The following KLHL38 variants were observed in gnomAD, a reference collection of about 807,000 sequenced individuals.
KLHL38 encodes the protein kelch-like protein 38.
Under a neutral mutation model 39.6 loss-of-function variants are expected in KLHL38, and 38 were observed. The ratio of observed to expected loss-of-function variants is 0.96; its 90% CI spans 0.74 to 1.26. The LOEUF (loss-of-function observed/expected upper bound fraction) is 1.26, where lower values mean the gene tolerates loss of function less well. KLHL38 is among the 50% of genes most tolerant of loss of function. The probability of loss-of-function intolerance (pLI) is 0.00; values close to 1 mark genes in which losing one functional copy is unlikely to be tolerated. For missense variants in KLHL38, 803 were observed against 748.1 expected, an observed-to-expected ratio of 1.07 and a Z score of -0.86; for synonymous variants, 322 against 302.2, an observed-to-expected ratio of 1.07 and a Z score of -0.68.
chr8:123,646,126 G>T, intron 3 of KLHL38, 98 bp from the exon 4 acceptor site: 2 of 1,104,794 alleles, frequency 1.8e-6, no homozygotes, highest in Non-Finnish European at 2.7e-6. Context: ...ACTGCGTAAG[G>T]CTGAGGCTGG....
Position 123,644,463 on chromosome 8 carries a change from T to C in KLHL38, c.*1276A>G, listed in dbSNP as rs770742731. 1.3e-5 allele frequency among the ~76,000 whole-genome samples: 2 copies of C among 152,244 alleles called. No individual in the cohort carries two copies. The highest frequency in any genetic ancestry group is 2.9e-5 in the Non-Finnish European group (2 of 68,040). On this transcript the variant is annotated 3_prime_UTR_variant, in exon 4 of 4. Coordinates refer to ENST00000684634, the MANE Select transcript of KLHL38 (RefSeq NM_001081675.3). ...ATCATTTGGCACCAGAAACAAACTTTATTCTGGCAATGCAGGATAATTTTA... is the reference window on the plus strand; with the variant it reads ...ATCATTTGGCACCAGAAACAAACTTCATTCTGGCAATGCAGGATAATTTTA...
rs372835504 is a variant in KLHL38 at position 123,646,925 on chromosome 8, C to T, written c.1440G>A (p.Arg480=). ...VCAPAVVLGE[R]IVIVGGYTRR... ...CAGACTCACCTCCCACAATGACAAT[C>T]CGCTCCCCAAGCACCACTGCAGGGG... Residue 480 remains arginine, a synonymous_variant, in exon 3 of 4, where the codon CGG becomes CGA. Transcript: ENST00000684634. 6.2e-7 allele frequency: 1 copy of T among 1,612,180 alleles called. No homozygotes were observed. Among genetic ancestry groups the T allele is most frequent in the Non-Finnish European group, 8.5e-7 (1 of 1,179,120 alleles).
intron 3 of KLHL38, 78 bp downstream of exon 3, chr8:123,646,830 CA>C (rs1415121864): frequency 1.2e-6 from 1 of 868,234 alleles, no homozygotes; most frequent in Non-Finnish European, 1.8e-6. Flanking sequence ...TGTAGAATAA[CA>C]TCTGTCTATG....
rs992308926 is a variant in KLHL38, at chr8:123,652,928, C to T, written c.-1-1G>A. ...CCCATCTAGTGACTCCTCGTCCATC[C>T]TACAAAGAGGGAAGGAAGCCCCCAG... On this transcript the variant is annotated splice_acceptor_variant, in intron 1 of 3. Coordinates refer to ENST00000684634, the MANE Select transcript of KLHL38 (RefSeq NM_001081675.3). LOFTEE classifies it low-confidence loss of function (5UTR_SPLICE). 5.7e-6 allele frequency: 9 copies of T among 1,583,018 alleles called. No homozygotes were observed. Among genetic ancestry groups the T allele is most frequent in the Non-Finnish European group, 7.7e-6 (9 of 1,170,130 alleles).
chr8:123,651,985 G>T lies in KLHL38; in HGVS notation c.942C>A (p.Ser314Arg), dbSNP rs775032794. The T allele has an allele frequency of 3.7e-6, 6 of 1,614,258 alleles. No individual in the cohort carries two copies. Among genetic ancestry groups the T allele is most frequent in the South Asian group, 1.1e-5 (1 of 91,088 alleles). ...ACAGCCGTGTCGGGAGTTTGGCAAGGCTCTGCCATTGGCCGGTCTGTTTGC... is the reference window on the plus strand; with the variant it reads ...ACAGCCGTGTCGGGAGTTTGGCAAGTCTCTGCCATTGGCCGGTCTGTTTGC... ...LYSKQTGQWQ[S>R]LAKLPTRLYK... is the part of the protein sequence containing the mutation. The change falls in exon 2 of 4, where the codon AGC becomes AGA. Residue 314 changes from serine to arginine, a missense_variant. Transcript: ENST00000684634.
chr8:123,652,584 G>A lies in KLHL38; in HGVS notation c.343C>T (p.Gln115Ter), dbSNP rs982991247. Residue 115 changes from glutamine (Q) to a stop codon, truncating the protein, a stop_gained, in exon 2 of 4, where the codon CAG becomes TAG. Coordinates refer to ENST00000684634, the MANE Select transcript of KLHL38 (RefSeq NM_001081675.3). LOFTEE classifies it high-confidence loss of function. ...LPVMEAASML[Q>*]FPKLFEACSS... ...CAGGCCTCAAACAGCTTGGGGAACT[G>A]TAGCATGGAGGCGGCCTCCATCACG... 8 of 1,614,102 alleles carry A rather than the reference G, an allele frequency of 5.0e-6. No individual in the cohort carries two copies. The African/African-American group carries it at 1.1e-4, about 22-fold the overall frequency.
chr8:123,649,807 C>G (rs909485835), intron 2 of KLHL38, among the ~76,000 whole-genome samples: 1 of 152,128 alleles, frequency 6.6e-6, no homozygotes, highest in African/African-American at 2.4e-5. Flanking sequence ...GACTGATGCC[C>G]GCCCCTAGCC....
intron 3 of KLHL38, 86 bp downstream of exon 3, chr8:123,646,823 A>G: frequency 1.2e-6 from 1 of 823,888 alleles, no homozygotes; most frequent in Non-Finnish European, 2.0e-6. Flanking sequence ...ACAGTCTTGT[A>G]GAATAACATC....
intron 1 of KLHL38, 26 bp from the exon 2 acceptor site, chr8:123,652,953 G>A: frequency 6.4e-7 from 1 of 1,555,316 alleles, no homozygotes. Flanking sequence ...GAAGCCCCCA[G>A]AGTCAGCAAG....
chr8:123,652,698 G>A lies in KLHL38; in HGVS notation c.229C>T (p.Leu77=). Residue 77 remains leucine (L), a synonymous_variant, in exon 2 of 4, where the codon CTG becomes TTG. Coordinates refer to ENST00000684634, the MANE Select transcript of KLHL38 (RefSeq NM_001081675.3). The stretch of plus-strand genomic sequence containing the variant: ...AGGGTTGGGGGGTCAATGCCTTTCA[G>A]CTGCACTTTGGCTTCACTCTTCTCC... The part of the protein sequence containing the change: ...FREKSEAKVQ[L]KGIDPPTLDQ... The A allele has an allele frequency of 1.2e-6, 2 of 1,614,226 alleles. No individual in the cohort carries two copies. Among genetic ancestry groups the A allele is most frequent in the Non-Finnish European group, 1.7e-6 (2 of 1,180,038 alleles).
At position 123,653,698 on chromosome 8, in the gene KLHL38, C is replaced by A. The variant is rs1812697397; in HGVS notation, c.-114G>T. Among the ~76,000 whole-genome samples, 1 of 152,204 alleles carries A rather than the reference C, an allele frequency of 6.6e-6. No homozygotes were observed. The highest frequency in any genetic ancestry group is 2.1e-4 in the South Asian group (1 of 4,834). ...AACCCCAGGCCTTTCTTTCAGTTGGCAAATGATTTGTCCTGGGAGATTTCT... is the reference window on the plus strand; with the variant it reads ...AACCCCAGGCCTTTCTTTCAGTTGGAAAATGATTTGTCCTGGGAGATTTCT... On this transcript the variant is annotated 5_prime_UTR_variant, in exon 1 of 4. Coordinates refer to ENST00000684634, the MANE Select transcript of KLHL38 (RefSeq NM_001081675.3).
In KLHL38 at chr8:123,652,773, G is replaced by A; in HGVS notation, c.154C>T (p.Leu52=). Residue 52 remains leucine (L), a synonymous_variant, in exon 2 of 4, where the codon CTG becomes TTG. Coordinates refer to ENST00000684634, the MANE Select transcript of KLHL38 (RefSeq NM_001081675.3). ...AREIPCHRNV[L]ASSSPYFRAM... is the part of the protein sequence containing the mutation. ...CTGAAGTAGGGGCTGCTGGAGGCCA[G>A]CACGTTGCGGTGGCAGGGGATCTCC... 6.2e-7 allele frequency: 1 copy of A among 1,614,162 alleles called. No individual in the cohort carries two copies. Among genetic ancestry groups the A allele is most frequent in the Non-Finnish European group, 8.5e-7 (1 of 1,180,028 alleles).
At position 123,652,644 on chromosome 8, in the gene KLHL38, C is replaced by T. The variant is rs1205260764; in HGVS notation, c.283G>A (p.Gly95Arg). 1 of 1,614,184 alleles carries T rather than the reference C, an allele frequency of 6.2e-7. No homozygotes were observed. Among genetic ancestry groups the T allele is most frequent in the South Asian group, 1.1e-5 (1 of 91,088 alleles). ...LDQIVSYVYT[G>R]EAHIATDNVL... is the part of the protein sequence containing the mutation. ...TTGTCAGTGGCAATATGTGCCTCCCCCGTATACACGTAGGAGACGATCTGG... is the reference window on the plus strand; with the variant it reads ...TTGTCAGTGGCAATATGTGCCTCCCTCGTATACACGTAGGAGACGATCTGG... The change falls in exon 2 of 4, where the codon GGG (glycine) becomes AGG (arginine). Residue 95 changes from glycine (G) to arginine (R), a missense_variant. By Grantham distance (125) the Gly-to-Arg change is moderately radical. Transcript: ENST00000684634.
At chr8:123,650,334 A>G (rs1001846660) in intron 2 of KLHL38, among the ~76,000 whole-genome samples, 6 of 152,086 alleles carry the variant, frequency 3.9e-5, no homozygotes, top group Non-Finnish European at 8.8e-5. Context: ...AAAAAATCTC[A>G]TCATGTTTTA....
chr8:123,645,541 G>A lies in KLHL38; in HGVS notation c.*198C>T. The A allele has an allele frequency of 1.7e-6, 1 of 594,820 alleles. No homozygotes were observed. The highest frequency in any genetic ancestry group is 3.0e-6 in the Non-Finnish European group (1 of 335,758). The allele number at this position is 594,820 out of a possible 1,614,324, so 36.8% of individuals were successfully genotyped here. A position where few individuals can be genotyped will look rare whatever the true frequency, so the allele number is the denominator to read the frequency against. The stretch of plus-strand genomic sequence containing the variant: ...AAAGACAGAGACAGATGGAGGTGGG[G>A]GAGAGAGATAAGGAGAGAGGCAGAG... On this transcript the variant is annotated 3_prime_UTR_variant, in exon 4 of 4. Transcript: ENST00000684634.
Position 123,651,916 on chromosome 8 carries a change from C to CA in KLHL38, c.1010dup (p.Met340HisfsTer43), listed in dbSNP as rs753521696. 3 of 1,614,136 alleles carry CA rather than the reference C, an allele frequency of 1.9e-6. No individual in the cohort carries two copies. Among genetic ancestry groups the CA allele is most frequent in the Non-Finnish European group, 2.5e-6 (3 of 1,180,058 alleles). ...TCCCTGAGCTGACAGCCATGCCCCCCAGCACATAGATGCTGCGGTGCAAGG... is the reference window on the plus strand; with the variant it reads ...TCCCTGAGCTGACAGCCATGCCCCCCAAGCACATAGATGCTGCGGTGCAAGG... On this transcript the variant is annotated frameshift_variant, in exon 2 of 4. Coordinates refer to ENST00000684634, the MANE Select transcript of KLHL38 (RefSeq NM_001081675.3). LOFTEE classifies it high-confidence loss of function.
At position 123,651,981 on chromosome 8, in the gene KLHL38, C is replaced by T. The variant is rs769435513; in HGVS notation, c.946G>A (p.Ala316Thr). 2.5e-6 allele frequency: 4 copies of T among 1,614,260 alleles called. No homozygotes were observed. In the South Asian group the frequency reaches 4.4e-5, roughly 18 times the overall value. The change falls in exon 2 of 4, where the codon GCC (alanine) becomes ACC (threonine). Residue 316 changes from alanine (A) to threonine (T), a missense_variant. Transcript: ENST00000684634. Reference sequence around the variant, plus strand: ...TTGTACAGCCGTGTCGGGAGTTTGGCAAGGCTCTGCCATTGGCCGGTCTGT... The same window carrying T: ...TTGTACAGCCGTGTCGGGAGTTTGGTAAGGCTCTGCCATTGGCCGGTCTGT... ...SKQTGQWQSL[A>T]KLPTRLYKAS...
chr8:123,647,493 A>T (rs1017537080), intron 2 of KLHL38, among the ~76,000 whole-genome samples: 3 of 152,240 alleles, frequency 2.0e-5, no homozygotes, highest in Non-Finnish European at 4.4e-5. Flanking sequence ...CCCGAAAGTC[A>T]TTACAGTCCT....
intron 2 of KLHL38, 68 bp downstream of exon 2, chr8:123,651,509 A>C (rs1427439256): frequency 1.4e-6 from 2 of 1,471,318 alleles, no homozygotes; most frequent in Non-Finnish European, 1.8e-6. Flanking sequence ...TGTGTGTGCA[A>C]GCAGGTGTGG....
Sources: gnomAD v4.1 joint callset for allele counts (sites outside exome capture counted in the v4.1 genomes callset) on GRCh38, gnomAD v4.1.1 for gene constraint, MANE v1.5 for transcripts, NCBI Gene and HGNC (gene_info 2026-07-23, HGNC 2026-07-21) for gene names.